Variants in ALAS2 observed in about 807,000 individuals in gnomAD.
ALAS2 encodes 5-aminolevulinate synthase, erythroid-specific, mitochondrial.
Under a neutral mutation model 33.7 loss-of-function variants are expected in ALAS2, and 3 were observed. The observed-to-expected ratio is 0.09, with a 90% CI of 0.04 to 0.23. The LOEUF (loss-of-function observed/expected upper bound fraction) is 0.23. Ranked by LOEUF, ALAS2 falls within the 10% of genes least tolerant of loss-of-function variation. The pLI is 1.00. For missense variants in ALAS2, 304 were observed against 475.1 expected (o/e 0.64, Z 3.35); for synonymous variants, 191 against 177.3 (o/e 1.08, Z -0.61).
At chrX:55,014,525 A>G (rs1309019293) in intron 9 of ALAS2, among the ~76,000 whole-genome samples, 1 of 112,543 alleles carries the variant, frequency 8.9e-6, no homozygotes, top group Non-Finnish European at 1.9e-5. Context: ...TGTTAGGGTT[A>G]GGATAATCTA....
chrX:55,018,387 A>T (rs1192573986), intron 6 of ALAS2, among the ~76,000 whole-genome samples: 1 of 111,246 alleles, frequency 9.0e-6, no homozygotes, highest in Non-Finnish European at 1.9e-5. Context: ...TTATTATAAG[A>T]TTAAGGGATA....
chrX:55,009,164 C>G lies in ALAS2; in HGVS notation c.*16G>C. ...GTGAAGCGCAGGTGGGGTGTGAATC[C>G]TAGGCAGCTGGCTTCTCAGGCATAG... On this transcript the variant is annotated 3_prime_UTR_variant, in exon 11 of 11. Coordinates refer to ENST00000650242, the MANE Select transcript of ALAS2 (RefSeq NM_000032.5). 1 of 1,205,842 alleles carries G rather than the reference C, an allele frequency of 8.3e-7. No homozygotes were observed. The highest frequency in any genetic ancestry group is 2.2e-5 in the Admixed American group (1 of 45,381).
intron 4 of ALAS2, among the ~76,000 whole-genome samples, chrX:55,023,128 G>A (rs973707637): frequency 1.8e-5 from 2 of 110,019 alleles, no homozygotes; most frequent in Admixed American, 9.8e-5. Context: ...ACAGCATAAC[G>A]AACTCCAGGT....
At chrX:55,010,477 C>T (rs1935583483) in intron 10 of ALAS2, among the ~76,000 whole-genome samples, 1 of 111,350 alleles carries the variant, frequency 9.0e-6, no homozygotes, top group African/African-American at 3.3e-5. Context: ...CTCAATTTTT[C>T]TGTCTCCCAC....
At chrX:55,019,190 T>C (rs761477322) in intron 6 of ALAS2, among the ~76,000 whole-genome samples, 1 of 110,520 alleles carries the variant, frequency 9.0e-6, no homozygotes, top group East Asian at 2.9e-4. Context: ...CTTGAAAACA[T>C]GTTTAAAGAG....
Position 55,014,674 on chromosome X carries a change from G to A in ALAS2, c.1437+73C>T. On this transcript the variant is annotated intron_variant, in intron 9 of 10. Transcript: ENST00000650242. ...CAAATAATTGAAGACAGCAACAGATGTAGGTTTGTTGGGAGCGTGAGGCTC... is the reference window on the plus strand; with the variant it reads ...CAAATAATTGAAGACAGCAACAGATATAGGTTTGTTGGGAGCGTGAGGCTC... The A allele has an allele frequency of 1.9e-6, 2 of 1,046,696 alleles. 1 individual carries two copies. Among genetic ancestry groups the A allele is most frequent in the South Asian group, 5.7e-5 (2 of 35,038 alleles). The allele number at this position is 1,046,696 out of a possible 1,213,427, so 86.3% of individuals were successfully genotyped here.
intron 1 of ALAS2, among the ~76,000 whole-genome samples, chrX:55,029,326 G>A (rs1935949745): frequency 9.0e-6 from 1 of 111,442 alleles, no homozygotes; most frequent in African/African-American, 3.3e-5. Flanking sequence ...GCCTAGTTCT[G>A]ATAGTCAAAC....
chrX:55,011,149 C>T (rs919183608), intron 10 of ALAS2, among the ~76,000 whole-genome samples: 1 of 111,621 alleles, frequency 9.0e-6, no homozygotes, highest in Non-Finnish European at 1.9e-5. Context: ...ATGTGGAAGG[C>T]ATTGAATGCT....
chrX:55,021,542 G>A (rs1935807259), intron 4 of ALAS2, among the ~76,000 whole-genome samples: 1 of 112,043 alleles, frequency 8.9e-6, no homozygotes, highest in Non-Finnish European at 1.9e-5. Context: ...CCGGGTTGGT[G>A]TGGCAGCCTC....
At position 55,017,712 on chromosome X, in the gene ALAS2, C is replaced by T. The variant is rs1235981757; in HGVS notation, c.824-47G>A. 2.6e-6 allele frequency: 3 copies of T among 1,164,946 alleles called. No homozygotes were observed. In the African/African-American group the frequency reaches 5.3e-5, roughly 21 times the overall value. ...CCTTAAGCTTCTGTCCCAGTACTCC[C>T]ACTTCAACCTTCAGGTTTGACCTGG... On this transcript the variant is annotated intron_variant, in intron 6 of 10. Coordinates refer to ENST00000650242, the MANE Select transcript of ALAS2 (RefSeq NM_000032.5).
intron 6 of ALAS2, among the ~76,000 whole-genome samples, chrX:55,019,258 G>A (rs887779014): frequency 9.0e-6 from 1 of 110,998 alleles, no homozygotes; most frequent in African/African-American, 3.3e-5. Flanking sequence ...AGATTCCTAA[G>A]GTGGTAGAGG....
chrX:55,016,924 T>A (rs1935711525), intron 7 of ALAS2, among the ~76,000 whole-genome samples: 1 of 111,815 alleles, frequency 8.9e-6, no homozygotes, highest in African/African-American at 3.3e-5. Context: ...TGAACCCAGG[T>A]CTCTCTGACT....
Position 55,013,631 on chromosome X carries a change from G to T in ALAS2, c.1455C>A (p.Leu485=), listed in dbSNP as rs1935644511. 1 of 1,209,740 alleles carries T rather than the reference G, an allele frequency of 8.3e-7. No homozygotes were observed. The highest frequency in any genetic ancestry group is 1.1e-6 in the Non-Finnish European group (1 of 895,180). The change falls in exon 10 of 11, where the codon CTC becomes CTA. Residue 485 remains leucine, a synonymous_variant. Coordinates refer to ENST00000650242, the MANE Select transcript of ALAS2 (RefSeq NM_000032.5). The stretch of plus-strand genomic sequence containing the variant: ...GCAGGAGATCACAGAGCTTGCTGTT[G>T]AGTGCTGCATTGCCCACCTGGACTC... ...IIPIRVGNAA[L]NSKLCDLLLS... is the part of the protein sequence containing the mutation.
intron 1 of ALAS2, among the ~76,000 whole-genome samples, chrX:55,030,200 C>A (rs753855285): frequency 6.3e-5 from 7 of 111,536 alleles, no homozygotes; most frequent in Non-Finnish European, 9.4e-5. Flanking sequence ...ACAGGCCAAG[C>A]CTTTTTTTCA....
intron 4 of ALAS2, among the ~76,000 whole-genome samples, chrX:55,023,544 T>C (rs1205918040): frequency 9.0e-6 from 1 of 111,109 alleles, no homozygotes; most frequent in East Asian, 2.8e-4. Context: ...TTTCTTCTCA[T>C]GGTAACCTAT....
intron 1 of ALAS2, among the ~76,000 whole-genome samples, chrX:55,030,613 G>A (rs1305996918): frequency 3.6e-5 from 4 of 111,526 alleles, no homozygotes; most frequent in Non-Finnish European, 5.6e-5. Flanking sequence ...GACAAAAAGG[G>A]GGAGAGAAAG....
At chrX:55,021,775 G>A (rs969025189) in intron 4 of ALAS2, among the ~76,000 whole-genome samples, 2 of 111,946 alleles carry the variant, frequency 1.8e-5, no homozygotes, top group Non-Finnish European at 3.8e-5. Flanking sequence ...ACTAATAAAT[G>A]GCACATGGTA....
At chrX:55,013,867 A>G (rs1935650326) in intron 9 of ALAS2, among the ~76,000 whole-genome samples, 1 of 111,109 alleles carries the variant, frequency 9.0e-6, no homozygotes, top group Non-Finnish European at 1.9e-5. Context: ...AGGTGGTACC[A>G]GGAGCCCTGT....
At chrX:55,015,520 A>G (rs1328073499) in intron 8 of ALAS2, 58 bp downstream of exon 8, 15 of 1,190,160 alleles carry the variant, frequency 1.3e-5, no homozygotes, top group Non-Finnish European at 1.7e-5. Context: ...GCAGAAAAGA[A>G]TTTTGTAAGG....
Sources: allele counts gnomAD v4.1 joint callset (sites outside exome capture counted in the v4.1 genomes callset), GRCh38; gene constraint gnomAD v4.1.1; transcripts MANE v1.5; gene names NCBI Gene and HGNC (gene_info 2026-07-23, HGNC 2026-07-21).